ABHD2: variants seen among roughly 807,000 people sequenced by gnomAD.
ABHD2 encodes abhydrolase domain containing 2, acylglycerol lipase, also known as monoacylglycerol lipase ABHD2.
Under a neutral mutation model 48.1 loss-of-function variants are expected in ABHD2, and 20 were observed. The observed-to-expected ratio is 0.42, with a 90% confidence interval of 0.29 to 0.60. The LOEUF is 0.60. Among genes scored for constraint, ABHD2 ranks in the 20% least tolerant of loss-of-function variants. The pLI, the probability that ABHD2 is intolerant of heterozygous loss-of-function variation, is 0.24. For missense variants in ABHD2, 405 were observed against 550.9 expected, an observed-to-expected ratio of 0.74 and a Z score of 2.65; for synonymous variants, 209 against 214.2, an observed-to-expected ratio of 0.98 and a Z score of 0.21.
the ABHD2 span, among the ~76,000 whole-genome samples, chr15:89,056,354 C>T: frequency 3.3e-5 from 5 of 152,142 alleles, no homozygotes; most frequent in African/African-American, 4.8e-5. Context: ...ACTTGAATGA[C>T]ACAGTAAGAA....
the ABHD2 span, among the ~76,000 whole-genome samples, chr15:89,072,462 C>T: frequency 7.0e-6 from 1 of 143,514 alleles, no homozygotes; most frequent in Non-Finnish European, 1.5e-5. Context: ...GGTGACAGAG[C>T]AAGACTCGGT....
At chr15:89,079,399 G>C in the ABHD2 span, among the ~76,000 whole-genome samples, 1 of 152,090 alleles carries the variant, frequency 6.6e-6, no homozygotes, top group Non-Finnish European at 1.5e-5. This position sits in a 1 kb window ranked among gnomAD's most constrained non-coding sequence, Gnocchi z 4.3. Flanking sequence ...CTTTCTCCCA[G>C]AAGAACTATG....
At chr15:89,152,077 G>GTTTTTTTTTTTTTTTTTT (rs34458230) in intron 4 of ABHD2, among the ~76,000 whole-genome samples, 1 of 139,888 alleles carries the variant, frequency 7.1e-6, no homozygotes, top group African/African-American at 2.6e-5. Context: ...TTGTAGAATA[G>GTTTTTTTTTTTTTTTTTT]TTTTTTTTTT....
the ABHD2 span, among the ~76,000 whole-genome samples, chr15:89,077,612 C>T: frequency 6.6e-6 from 1 of 152,150 alleles, no homozygotes; most frequent in South Asian, 2.1e-4. Flanking sequence ...CAGGCATAAT[C>T]ATATTCACCC....
chr15:89,187,669 G>A (rs1366485804), intron 7 of ABHD2, among the ~76,000 whole-genome samples: 2 of 152,174 alleles, frequency 1.3e-5, no homozygotes, highest in African/African-American at 4.8e-5. Flanking sequence ...TTGCTCTCCT[G>A]AATAGATGTT....
chr15:89,145,500 G>A (rs2050475972), intron 3 of ABHD2, among the ~76,000 whole-genome samples: 1 of 152,168 alleles, frequency 6.6e-6, no homozygotes, highest in Non-Finnish European at 1.5e-5. Flanking sequence ...AACTAGATGG[G>A]AACATGATGG....
Position 89,195,975 on chromosome 15 carries a change from T to G in ABHD2, c.*552T>G, listed in dbSNP as rs1411491242. On this transcript the variant is annotated 3_prime_UTR_variant, in exon 11 of 11. Transcript: ENST00000352732. The surrounding 1 kb of genome is among the most constrained non-coding windows in gnomAD (Gnocchi z 5.1). ...TTCCTTTGAGTCACAAGCCAAGTTTTCGCCCTGTCTCCTGAGACCATTTCC... is the reference window on the plus strand; with the variant it reads ...TTCCTTTGAGTCACAAGCCAAGTTTGCGCCCTGTCTCCTGAGACCATTTCC... 1 of 152,648 alleles carries G rather than the reference T, an allele frequency of 6.6e-6. No homozygotes were observed. Among genetic ancestry groups the G allele is most frequent in the East Asian group, 1.9e-4 (1 of 5,164 alleles). 9.5% of individuals were successfully genotyped at this position (152,648 alleles called of 1,614,324 possible). A position where few individuals can be genotyped will look rare whatever the true frequency, so the allele number is the denominator to read the frequency against.
At chr15:89,099,435 GCAA>G (rs921113152) in intron 1 of ABHD2, among the ~76,000 whole-genome samples, 6 of 151,728 alleles carry the variant, frequency 4.0e-5, no homozygotes, top group East Asian at 1.9e-4. Context: ...CTCCATCTCT[GCAA>G]CAACAACAAC....
At position 89,188,225 on chromosome 15, in the gene ABHD2, C is replaced by A; in HGVS notation, c.848C>A (p.Pro283His). Reference protein sequence around the residue: ...QALFGDHVKKPQSLEDTDLSR... With the variant: ...QALFGDHVKKHQSLEDTDLSR... ...CTTTTTGGAGACCATGTTAAGAAAC[C>A]CCAGAGCCTGGAAGACACGGACTTG... Residue 283 changes from proline (P) to histidine (H), a missense_variant, in exon 8 of 11, where the codon CCC becomes CAC. By Grantham distance (77) the Pro-to-His change is moderately conservative. Transcript: ENST00000352732. The surrounding 1 kb of genome is among the most constrained non-coding windows in gnomAD (Gnocchi z 4.1). 6.2e-7 allele frequency: 1 copy of A among 1,614,168 alleles called. No homozygotes were observed. Among genetic ancestry groups the A allele is most frequent in the Non-Finnish European group, 8.5e-7 (1 of 1,180,028 alleles).
intron 9 of ABHD2, 142 bp downstream of exon 9, chr15:89,191,291 T>C (rs535428520): frequency 3.9e-6 from 3 of 773,232 alleles, no homozygotes; most frequent in East Asian, 2.7e-5. Context: ...GATTTGTTTA[T>C]TGAACCAGGC....
At position 89,146,901 on chromosome 15, in the gene ABHD2, AT is replaced by A; in HGVS notation, c.195-4771del. On this transcript the variant is annotated intron_variant, in intron 3 of 10. Coordinates refer to ENST00000352732, the MANE Select transcript of ABHD2 (RefSeq NM_152924.5). This position sits in a 1 kb window ranked among gnomAD's most constrained non-coding sequence, Gnocchi z 4.2. ...TCGTGTTTCCAATCAAAAATCTAAA[AT>A]TTTTATAGAACTAAACAAGCTAATC... 6.6e-6 allele frequency among the ~76,000 whole-genome samples: 1 copy of A among 152,328 alleles called. No homozygotes were observed. The highest frequency in any genetic ancestry group is 3.4e-3 in the Middle Eastern group (1 of 294).
At chr15:89,041,766 AC>A in the ABHD2 span, among the ~76,000 whole-genome samples, 4 of 152,150 alleles carry the variant, frequency 2.6e-5, no homozygotes, top group Admixed American at 2.6e-4. Flanking sequence ...GGCATGACAC[AC>A]CACCTCATCA....
At chr15:89,127,361 A>G (rs1202807629) in intron 3 of ABHD2, among the ~76,000 whole-genome samples, 2 of 152,166 alleles carry the variant, frequency 1.3e-5, no homozygotes, top group African/African-American at 4.8e-5. Flanking sequence ...CCTGGAGATC[A>G]GTGGTTGATC....
chr15:89,078,862 CTG>C, the ABHD2 span, among the ~76,000 whole-genome samples: 2 of 151,890 alleles, frequency 1.3e-5, no homozygotes, highest in African/African-American at 4.8e-5. Flanking sequence ...TCCTGAATAA[CTG>C]GGACTCCAGG....
Position 89,175,328 on chromosome 15 carries a change from G to A in ABHD2, c.539-484G>A, listed in dbSNP as rs539133726. Among the ~76,000 whole-genome samples, 11 of 152,236 alleles carry A rather than the reference G, an allele frequency of 7.2e-5. No individual in the cohort carries two copies. The East Asian group carries it at 1.9e-3, about 27-fold the overall frequency. On this transcript the variant is annotated intron_variant, in intron 5 of 10. Coordinates refer to ENST00000352732, the MANE Select transcript of ABHD2 (RefSeq NM_152924.5). The surrounding 1 kb of genome is among the most constrained non-coding windows in gnomAD (Gnocchi z 5.7). ...TAGCCTCTGCCTCCCCGGCTCAAGG[G>A]ATCCTCTTGCCTCAGCCTCCTAAGT...
At chr15:89,180,233 A>G (rs1471149153) in intron 6 of ABHD2, among the ~76,000 whole-genome samples, 1 of 152,094 alleles carries the variant, frequency 6.6e-6, no homozygotes, top group Non-Finnish European at 1.5e-5. Context: ...ACCTGACCAC[A>G]TGGTTGCCCT....
intron 5 of ABHD2, among the ~76,000 whole-genome samples, chr15:89,165,464 CTTA>C (rs1306651223): frequency 6.6e-6 from 1 of 152,046 alleles, no homozygotes; most frequent in African/African-American, 2.4e-5. Context: ...TCTTAAATTT[CTTA>C]TTGTGCCAAG....
At chr15:89,059,630 C>T in the ABHD2 span, among the ~76,000 whole-genome samples, 1 of 152,096 alleles carries the variant, frequency 6.6e-6, no homozygotes, top group South Asian at 2.1e-4. Flanking sequence ...GACCGGCTAC[C>T]CCATAATATA....
At position 89,151,568 on chromosome 15, in the gene ABHD2, G is replaced by GGAA; in HGVS notation, c.195-109_195-108insGAA. On this transcript the variant is annotated intron_variant, in intron 3 of 10. Transcript: ENST00000352732. The surrounding 1 kb of genome is among the most constrained non-coding windows in gnomAD (Gnocchi z 4.7). ...AAAGCCTCATGTTTATGCTTTGTGT[G>GGAA]CAGAATTTCCCTGGAACAAAAATAG... is the stretch of plus-strand genomic sequence containing the variant. 8.1e-7 allele frequency: 1 copy of GGAA among 1,234,564 alleles called. No individual in the cohort carries two copies. The highest frequency in any genetic ancestry group is 1.5e-5 in the South Asian group (1 of 68,074). The allele number at this position is 1,234,564 out of a possible 1,614,324, so 76.5% of individuals were successfully genotyped here.
Sources: gnomAD v4.1 joint callset for allele counts (sites outside exome capture counted in the v4.1 genomes callset) on GRCh38, gnomAD v4.1.1 for gene constraint, Gnocchi (gnomAD v3.1) non-coding constraint, MANE v1.5 for transcripts, NCBI Gene and HGNC (gene_info 2026-07-23, HGNC 2026-07-21) for gene names.